G2E3: variants seen among roughly 807,000 people sequenced by gnomAD.
G2E3 encodes G2/M-phase specific E3 ubiquitin protein ligase, also known as G2/M phase-specific E3 ubiquitin-protein ligase.
G2E3 carries 35 observed loss-of-function variants against 92.8 expected under a neutral mutation model. The ratio of observed to expected loss-of-function variants is 0.38; its 90% CI spans 0.29 to 0.50. The LOEUF is 0.50. Among genes scored for constraint, G2E3 ranks in the 20% least tolerant of loss-of-function variants. G2E3 has a pLI of 0.94. For synonymous variants in G2E3, 242 were observed against 272.4 expected, an observed-to-expected ratio of 0.89 and a Z score of 1.10; for missense variants, 554 against 823.8, an observed-to-expected ratio of 0.67 and a Z score of 4.01.
At chr14:30,611,115 AG>A (rs1174302861) in intron 12 of G2E3, among the ~76,000 whole-genome samples, 1 of 152,232 alleles carries the variant, frequency 6.6e-6, no homozygotes, top group Non-Finnish European at 1.5e-5. Context: ...TTGCTCTTAA[AG>A]GAGAAAAGTG....
rs777529895 is a variant in G2E3, at chr14:30,616,388, G to C, written c.1975G>C (p.Asp659His). The C allele has an allele frequency of 2.5e-6, 4 of 1,612,878 alleles. No homozygotes were observed. The African/African-American group carries it at 4.0e-5, about 16-fold the overall frequency. ...TCCTTCAATTGAGTGTCTGCATGTG[G>C]ATTTTCCTGTTGGAAACAAGTGTAA... ...PTPSIECLHV[D>H]FPVGNKCNNC... The change falls in exon 15 of 15, where the codon GAT becomes CAT. Residue 659 changes from aspartate (D) to histidine (H), a missense_variant. By Grantham distance (81) the Asp-to-His change is moderately conservative. Transcript: ENST00000206595.
chr14:30,612,233 C>G lies in G2E3; in HGVS notation c.1527C>G (p.Asp509Glu). The change falls in exon 13 of 15, where the codon GAC becomes GAG. Residue 509 changes from aspartate to glutamate, a missense_variant. Coordinates refer to ENST00000206595, the MANE Select transcript of G2E3 (RefSeq NM_017769.5). ...IRINTATTVADLKSIINECYN... is the reference protein window; with the variant it reads ...IRINTATTVAELKSIINECYN... The stretch of plus-strand genomic sequence containing the variant: ...TAAATACTGCAACAACTGTAGCTGA[C>G]TTAAAGTCAATAATAAATGAATGCT... The G allele has an allele frequency of 1.2e-6, 2 of 1,611,106 alleles. No individual in the cohort carries two copies. The highest frequency in any genetic ancestry group is 8.5e-7 in the Non-Finnish European group (1 of 1,177,850).
rs761666975 is a variant in G2E3, at chr14:30,589,365, T to C, written c.136-18T>C. ...TAGTTTCTTAGAGTTTATTTTCTAA[T>C]TGAGAATATATTCATAGTTGATGTC... On this transcript the variant is annotated intron_variant, in intron 3 of 14. Transcript: ENST00000206595. 1 of 1,367,584 alleles carries C rather than the reference T, an allele frequency of 7.3e-7. No individual in the cohort carries two copies. Among genetic ancestry groups the C allele is most frequent in the East Asian group, 2.3e-5 (1 of 43,606 alleles). The allele number at this position is 1,367,584 out of a possible 1,614,324, so 84.7% of individuals were successfully genotyped here. A position where few individuals can be genotyped will look rare whatever the true frequency, so the allele number is the denominator to read the frequency against.
At chr14:30,576,468 T>C (rs933398037) in intron 1 of G2E3, among the ~76,000 whole-genome samples, 1 of 152,136 alleles carries the variant, frequency 6.6e-6, no homozygotes, top group African/African-American at 2.4e-5. Flanking sequence ...GGGCAAAGAT[T>C]TCATGACAAG....
chr14:30,602,155 T>C (rs1037907100), intron 10 of G2E3, 24 bp downstream of exon 10: 2 of 1,561,038 alleles, frequency 1.3e-6, no homozygotes, highest in Non-Finnish European at 1.7e-6. Flanking sequence ...ATTGGAGAAA[T>C]ACATAAAAAT....
chr14:30,617,859 T>G lies in G2E3; in HGVS notation c.*1325T>G, dbSNP rs1296770553. ...TTTATACTCCCACAGAAGAAAAAAT[T>G]GGAAAACAAAGTCTGATGTCCTTAA... is the stretch of plus-strand genomic sequence containing the variant. On this transcript the variant is annotated 3_prime_UTR_variant, in exon 15 of 15. Transcript: ENST00000206595. 1.3e-5 allele frequency: 2 copies of G among 152,034 alleles called. No homozygotes were observed. Among genetic ancestry groups the G allele is most frequent in the Non-Finnish European group, 2.9e-5 (2 of 67,918 alleles). The allele number at this position is 152,034 out of a possible 1,614,324, so 9.4% of individuals were successfully genotyped here.
intron 2 of G2E3, among the ~76,000 whole-genome samples, chr14:30,584,428 T>C (rs1281144286): frequency 6.6e-6 from 1 of 152,228 alleles, no homozygotes; most frequent in Non-Finnish European, 1.5e-5. Context: ...GGTAACTCTT[T>C]GTTTAAATTT....
At chr14:30,589,538 G>T in intron 4 of G2E3, 54 bp downstream of exon 4, 1 of 907,786 alleles carries the variant, frequency 1.1e-6, no homozygotes. Flanking sequence ...CAATACTTGG[G>T]AAGTCTTTTC....
In G2E3 at chr14:30,615,409, A is replaced by G. The variant is rs779890211; in HGVS notation, c.1734A>G (p.Ala578=). The G allele has an allele frequency of 1.9e-6, 3 of 1,611,128 alleles. No individual in the cohort carries two copies. Among genetic ancestry groups the G allele is most frequent in the African/African-American group, 2.7e-5 (2 of 74,844 alleles). ...AGAAAATTCAGGCTTATCCAGAAGC[A>G]TTTTGTAGCATCCTGTGTCATAAAC... ...VLEKIQAYPE[A]FCSILCHKPE... The change falls in exon 14 of 15, where the codon GCA becomes GCG. Residue 578 remains alanine, a synonymous_variant. Transcript: ENST00000206595.
intron 8 of G2E3, among the ~76,000 whole-genome samples, chr14:30,599,167 A>G (rs997361499): frequency 2.6e-5 from 4 of 152,086 alleles, no homozygotes; most frequent in Non-Finnish European, 1.5e-5. Flanking sequence ...TTTTATAAGA[A>G]CACCAGTCAT....
chr14:30,594,601 G>C (rs1015782435), intron 6 of G2E3, among the ~76,000 whole-genome samples: 9 of 151,950 alleles, frequency 5.9e-5, no homozygotes, highest in Non-Finnish European at 1.3e-4. Context: ...GCTGAGGCGG[G>C]AGAATGGCAT....
intron 13 of G2E3, among the ~76,000 whole-genome samples, chr14:30,613,493 T>C (rs997457909): frequency 6.6e-6 from 1 of 152,164 alleles, no homozygotes; most frequent in African/African-American, 2.4e-5. Flanking sequence ...TTTTTTGCTA[T>C]ATGGTATCAC....
At position 30,616,484 on chromosome 14, in the gene G2E3, A is replaced by T; in HGVS notation, c.2071A>T (p.Asn691Tyr). 1 of 1,605,616 alleles carries T rather than the reference A, an allele frequency of 6.2e-7. No individual in the cohort carries two copies. Among genetic ancestry groups the T allele is most frequent in the Non-Finnish European group, 8.5e-7 (1 of 1,172,570 alleles). ...FQENMDFTIR[N>Y]TLRLEKEESS... ...AGAAAATATGGACTTCACCATAAGA[A>T]ACACTCTAAGACTAGAAAAGGAAGA... The change falls in exon 15 of 15, where the codon AAC (asparagine) becomes TAC (tyrosine). Residue 691 changes from asparagine (N) to tyrosine (Y), a missense_variant. Transcript: ENST00000206595.
intron 8 of G2E3, among the ~76,000 whole-genome samples, chr14:30,601,185 A>G (rs564230216): frequency 1.0e-3 from 154 of 152,342 alleles, no homozygotes; most frequent in African/African-American, 3.6e-3. Flanking sequence ...AAAAGGCTGG[A>G]GCCCTACACT....
At chr14:30,561,026 G>A (rs150714166) in intron 1 of G2E3, among the ~76,000 whole-genome samples, 1 of 152,118 alleles carries the variant, frequency 6.6e-6, no homozygotes, top group African/African-American at 2.4e-5. Context: ...TCCCTCTACC[G>A]TATGATGAGG....
chr14:30,566,911 A>G (rs781503023), intron 1 of G2E3, among the ~76,000 whole-genome samples: 3 of 152,176 alleles, frequency 2.0e-5, no homozygotes, highest in Non-Finnish European at 4.4e-5. Context: ...ATTTTGTCAA[A>G]TGCTTTTTCT....
intron 1 of G2E3, among the ~76,000 whole-genome samples, chr14:30,561,415 A>G (rs536511494): frequency 5.3e-5 from 8 of 152,248 alleles, no homozygotes; most frequent in African/African-American, 9.6e-5. Flanking sequence ...CTCATTGTCT[A>G]CCATATATAA....
At chr14:30,578,514 A>G (rs994225959) in intron 1 of G2E3, among the ~76,000 whole-genome samples, 2 of 152,188 alleles carry the variant, frequency 1.3e-5, no homozygotes, top group African/African-American at 4.8e-5. Flanking sequence ...TTCTTACCAA[A>G]TGGAGTTACA....
intron 1 of G2E3, chr14:30,574,437 T>A (rs1357956920): frequency 6.6e-6 from 1 of 152,002 alleles, no homozygotes; most frequent in Non-Finnish European, 1.5e-5. Flanking sequence ...TTTTTTTTTT[T>A]TAGGTTTGGG....
Sources: allele counts gnomAD v4.1 joint callset (sites outside exome capture counted in the v4.1 genomes callset), GRCh38; gene constraint gnomAD v4.1.1; transcripts MANE v1.5; gene names NCBI Gene and HGNC (gene_info 2026-07-23, HGNC 2026-07-21).